BRAP: variants seen among roughly 807,000 people sequenced by gnomAD.
BRAP encodes BRCA1-associated protein.
Under a neutral mutation model 73.4 loss-of-function variants are expected in BRAP, and 42 were observed. The ratio of observed to expected loss-of-function variants is 0.57; its 90% confidence interval spans 0.45 to 0.74. BRAP has a LOEUF of 0.74. Ranked by LOEUF, BRAP falls within the 30% of genes least tolerant of loss-of-function variation. The pLI is 0.00. For missense variants in BRAP, 593 were observed against 751.4 expected (o/e 0.79, Z 2.46); for synonymous variants, 255 against 267.4 (o/e 0.95, Z 0.45).
intron 5 of BRAP, among the ~76,000 whole-genome samples, chr12:111,670,641 C>A (rs945496701): frequency 6.6e-6 from 1 of 152,212 alleles, no homozygotes; most frequent in Non-Finnish European, 1.5e-5. Flanking sequence ...CAGGCATCTG[C>A]CACGACACCA....
intron 10 of BRAP, among the ~76,000 whole-genome samples, chr12:111,651,227 A>ATAT (rs1309986054): frequency 1.7e-5 from 2 of 117,338 alleles, no homozygotes; most frequent in African/African-American, 1.1e-4. Context: ...CACTAGCTTT[A>ATAT]ATAATAATAA....
chr12:111,675,216 G>A (rs1211908921), intron 4 of BRAP, among the ~76,000 whole-genome samples: 3 of 151,818 alleles, frequency 2.0e-5, no homozygotes, highest in Admixed American at 6.6e-5. Flanking sequence ...AGCCGAGATC[G>A]TGCCACTGCA....
At chr12:111,671,681 CT>C (rs980479092) in intron 5 of BRAP, among the ~76,000 whole-genome samples, 1,641 of 113,106 alleles carry the variant, frequency 0.015, 13 homozygotes, top group African/African-American at 0.046. Flanking sequence ...AACAGAGAGA[CT>C]TTTTTTTTTT....
In BRAP at chr12:111,655,657, T is replaced by C; in HGVS notation, c.1222-2A>G. The C allele has an allele frequency of 6.2e-7, 1 of 1,602,504 alleles. No homozygotes were observed. The highest frequency in any genetic ancestry group is 8.5e-7 in the Non-Finnish European group (1 of 1,169,618). The stretch of plus-strand genomic sequence containing the variant: ...CTGGCTTGTTAGTAAATATGAATAC[T>C]AGAAACATAGAGAATAAAGACCAAA... On this transcript the variant is annotated splice_acceptor_variant, in intron 9 of 11. Transcript: ENST00000419234. LOFTEE classifies it high-confidence loss of function.
intron 5 of BRAP, among the ~76,000 whole-genome samples, chr12:111,669,123 CCT>C (rs1305511306): frequency 6.6e-6 from 1 of 152,114 alleles, no homozygotes; most frequent in South Asian, 2.1e-4. Context: ...CCCAATACTC[CCT>C]GTCTCTAGAA....
At chr12:111,662,651 T>C (rs1478821589) in intron 6 of BRAP, among the ~76,000 whole-genome samples, 1 of 152,132 alleles carries the variant, frequency 6.6e-6, no homozygotes, top group Non-Finnish European at 1.5e-5. Context: ...GACACAGCTC[T>C]ATCTGTGTAA....
Position 111,653,566 on chromosome 12 carries a change from G to A in BRAP, c.1311+2000C>T, listed in dbSNP as rs963475694. On this transcript the variant is annotated intron_variant, in intron 10 of 11. Coordinates refer to ENST00000419234, the MANE Select transcript of BRAP (RefSeq NM_006768.5). ...GGCTGTGCTCACATGCTATAATAACGGCACTACCTAAGGCACTGGGGGAAA... is the reference window on the plus strand; with the variant it reads ...GGCTGTGCTCACATGCTATAATAACAGCACTACCTAAGGCACTGGGGGAAA... Among the ~76,000 whole-genome samples the A allele has an allele frequency of 4.1e-4, 63 of 152,168 alleles. 2 individuals are homozygous for A. Among genetic ancestry groups the A allele is most frequent in the African/African-American group, 1.4e-3 (60 of 41,546 alleles).
chr12:111,664,416 A>G (rs1886863146), intron 6 of BRAP, among the ~76,000 whole-genome samples: 1 of 152,198 alleles, frequency 6.6e-6, no homozygotes, highest in Non-Finnish European at 1.5e-5. Context: ...AGATACAGGT[A>G]AACACTTTAA....
At chr12:111,679,113 G>A (rs1264047291) in intron 4 of BRAP, 38 bp downstream of exon 4, 4 of 1,389,272 alleles carry the variant, frequency 2.9e-6, no homozygotes, top group Non-Finnish European at 3.8e-6. Flanking sequence ...CACAGTTTCT[G>A]TGGCAAAGAG....
chr12:111,669,722 A>T (rs531269306), intron 5 of BRAP: 1 of 264,186 alleles, frequency 3.8e-6, no homozygotes, highest in Non-Finnish European at 7.3e-6. Flanking sequence ...TGTACAGCTC[A>T]ATATTTAAAC....
intron 9 of BRAP, among the ~76,000 whole-genome samples, chr12:111,657,872 A>T (rs1047191985): frequency 1.3e-5 from 2 of 152,022 alleles, no homozygotes; most frequent in African/African-American, 4.8e-5. Flanking sequence ...GGGAAAACAA[A>T]TCTTAACACT....
At chr12:111,668,343 T>G (rs1168156117) in intron 5 of BRAP, among the ~76,000 whole-genome samples, 1 of 152,198 alleles carries the variant, frequency 6.6e-6, no homozygotes, top group East Asian at 1.9e-4. Context: ...TGTTAATTTT[T>G]TTTTTTTTGG....
At chr12:111,679,666 G>C (rs1443984900) in intron 3 of BRAP, among the ~76,000 whole-genome samples, 1 of 151,852 alleles carries the variant, frequency 6.6e-6, no homozygotes, top group African/African-American at 2.4e-5. Context: ...ACGAGGTCAG[G>C]AGATCGAGAC....
At chr12:111,684,982 A>C (rs1264084405) in intron 1 of BRAP, among the ~76,000 whole-genome samples, 1 of 152,156 alleles carries the variant, frequency 6.6e-6, no homozygotes, top group Non-Finnish European at 1.5e-5. Flanking sequence ...TATTTCTTGA[A>C]TGAATGTTAG....
At chr12:111,676,620 G>T (rs1054319727) in intron 4 of BRAP, among the ~76,000 whole-genome samples, 1 of 152,024 alleles carries the variant, frequency 6.6e-6, no homozygotes, top group Non-Finnish European at 1.5e-5. Context: ...TACCATGTTG[G>T]CCAGGCTGGT....
chr12:111,651,464 G>C (rs1171615931), intron 10 of BRAP, among the ~76,000 whole-genome samples: 2 of 151,562 alleles, frequency 1.3e-5, no homozygotes, highest in East Asian at 2.0e-4. Flanking sequence ...TTGAACCAGG[G>C]AGGTGGAGAT....
intron 9 of BRAP, among the ~76,000 whole-genome samples, chr12:111,657,449 A>T (rs1041362614): frequency 1.3e-5 from 2 of 152,272 alleles, no homozygotes; most frequent in Non-Finnish European, 2.9e-5. Context: ...TGATTTATTA[A>T]TAACGATATA....
intron 2 of BRAP, among the ~76,000 whole-genome samples, chr12:111,682,332 T>C (rs1399296941): frequency 7.3e-5 from 11 of 151,688 alleles, no homozygotes; most frequent in Non-Finnish European, 1.3e-4. Context: ...ACCCTGTCTC[T>C]ACCAAAAATA....
chr12:111,670,319 C>G (rs1431093582), intron 5 of BRAP: 2 of 539,476 alleles, frequency 3.7e-6, no homozygotes, highest in South Asian at 1.5e-5. Context: ...TTCAGGTCCT[C>G]TGGCAGCTCC....
Sources: gnomAD v4.1 joint callset for allele counts (sites outside exome capture counted in the v4.1 genomes callset) on GRCh38, gnomAD v4.1.1 for gene constraint, MANE v1.5 for transcripts, NCBI Gene and HGNC (gene_info 2026-07-23, HGNC 2026-07-21) for gene names.